The following FAM200B variants were observed in gnomAD, a reference collection of about 807,000 sequenced individuals.
The protein encoded by FAM200B is zinc finger BED-type containing 11, also known as protein FAM200B.
Under a neutral mutation model 33.1 loss-of-function variants are expected in FAM200B, and 32 were observed. The ratio of observed to expected loss-of-function variants is 0.97; its 90% CI spans 0.73 to 1.30. FAM200B has a LOEUF of 1.30. Ranked by LOEUF, FAM200B falls within the 50% of genes most tolerant of loss-of-function variation. The pLI is 0.00. For missense variants in FAM200B, 741 were observed against 754.0 expected (o/e 0.98, Z 0.20); for synonymous variants, 240 against 264.8 (o/e 0.91, Z 0.91).
the FAM200B span, among the ~76,000 whole-genome samples, chr4:15,655,670 C>CGTG: frequency 6.6e-6 from 1 of 152,242 alleles, no homozygotes; most frequent in Non-Finnish European, 1.5e-5. Flanking sequence ...CTGCCCTGCC[C>CGTG]ACCACGGCCT....
Position 15,686,428 on chromosome 4 carries a change from C to G in FAM200B, c.-550C>G, listed in dbSNP as rs904217909. 6.6e-6 allele frequency: 1 copy of G among 152,138 alleles called. No individual in the cohort carries two copies. Among genetic ancestry groups the G allele is most frequent in the African/African-American group, 2.4e-5 (1 of 41,416 alleles). The allele number at this position is 152,138 out of a possible 1,614,324, so 9.4% of individuals were successfully genotyped here. ...ACAAGTCAACAGTCTAGCAGATCAG[C>G]CAGTCTCTTTCATCATCAAGCAGAC... On this transcript the variant is annotated 5_prime_UTR_variant, in exon 2 of 2. Transcript: ENST00000422728.
the FAM200B span, among the ~76,000 whole-genome samples, chr4:15,642,707 T>C: frequency 6.6e-6 from 1 of 152,180 alleles, no homozygotes; most frequent in Non-Finnish European, 1.5e-5. Context: ...TTCCTACTTA[T>C]ATGCTAATAA....
upstream of FAM200B, among the ~76,000 whole-genome samples, chr4:15,678,452 T>C (rs1718072444): frequency 6.6e-6 from 1 of 152,176 alleles, no homozygotes; most frequent in Admixed American, 6.5e-5. Context: ...TTTCCCCAAG[T>C]GAAGGCTTTA....
the FAM200B span, among the ~76,000 whole-genome samples, chr4:15,657,286 T>C: frequency 6.6e-6 from 1 of 152,242 alleles, no homozygotes; most frequent in East Asian, 1.9e-4. Flanking sequence ...CACTTTGTTT[T>C]ATCCTCAGCA....
the FAM200B span, chr4:15,640,749 T>C: frequency 1.5e-5 from 17 of 1,098,432 alleles, no homozygotes; most frequent in Non-Finnish European, 2.1e-5. Context: ...ATTTTAAGAA[T>C]GTTATAAATC....
chr4:15,676,436 T>C, the FAM200B span, among the ~76,000 whole-genome samples: 1 of 151,666 alleles, frequency 6.6e-6, no homozygotes, highest in Non-Finnish European at 1.5e-5. Context: ...AACAAATAAA[T>C]GTCAACAACA....
At chr4:15,670,590 A>C in the FAM200B span, among the ~76,000 whole-genome samples, 1 of 152,168 alleles carries the variant, frequency 6.6e-6, no homozygotes, top group South Asian at 2.1e-4. Flanking sequence ...ATATATAGCC[A>C]GTGGTTCTCA....
the FAM200B span, among the ~76,000 whole-genome samples, chr4:15,647,171 C>T: frequency 2.3e-5 from 3 of 128,014 alleles, no homozygotes; most frequent in South Asian, 2.4e-4. Context: ...TGCAGTGAGC[C>T]GAGATCATGC....
At chr4:15,655,294 T>TGCCTCAGCCTCC in the FAM200B span, 1 of 1,406,364 alleles carries the variant, frequency 7.1e-7, no homozygotes, top group East Asian at 3.3e-5. Context: ...CCATCGCCAC[T>TGCCTCAGCCTCC]GCCTCAGCCT....
the FAM200B span, among the ~76,000 whole-genome samples, chr4:15,660,641 A>G: frequency 0.33 from 50,832 of 152,064 alleles, 8,867 homozygotes; most frequent in Non-Finnish European, 0.37. Flanking sequence ...CCTCGACTGT[A>G]AAGACTTGGT....
At chr4:15,641,758 G>A in the FAM200B span, 3 of 358,230 alleles carry the variant, frequency 8.4e-6, no homozygotes, top group South Asian at 6.4e-5. Context: ...CAGGCACGGT[G>A]GCTCATGCCT....
At chr4:15,645,834 AAAATT>A in the FAM200B span, among the ~76,000 whole-genome samples, 4 of 152,328 alleles carry the variant, frequency 2.6e-5, no homozygotes, top group Non-Finnish European at 5.9e-5. Flanking sequence ...TATCATTTTG[AAAATT>A]AAATATTCAT....
the FAM200B span, among the ~76,000 whole-genome samples, chr4:15,669,165 G>A: frequency 6.6e-6 from 1 of 152,114 alleles, no homozygotes; most frequent in East Asian, 1.9e-4. Flanking sequence ...CTAGGCCATT[G>A]TCACTGCCCA....
chr4:15,641,406 C>T, the FAM200B span: 1 of 351,668 alleles, frequency 2.8e-6, no homozygotes, highest in African/African-American at 2.1e-5. Flanking sequence ...TCAGCCTACT[C>T]AATGTGAAGA....
the FAM200B span, among the ~76,000 whole-genome samples, chr4:15,650,661 CTTTTTT>C: frequency 2.7e-4 from 21 of 77,914 alleles, no homozygotes; most frequent in Middle Eastern, 9.3e-3. Flanking sequence ...AACTGACTTT[CTTTTTT>C]TTTTTTTTTT....
the FAM200B span, among the ~76,000 whole-genome samples, chr4:15,668,251 G>T: frequency 6.7e-6 from 1 of 150,372 alleles, no homozygotes; most frequent in Non-Finnish European, 1.5e-5. Flanking sequence ...ATCTAGTATG[G>T]TATTTTCAAA....
At chr4:15,666,885 C>T in the FAM200B span, among the ~76,000 whole-genome samples, 53,297 of 151,254 alleles carry the variant, frequency 0.35, 9,760 homozygotes, top group African/African-American at 0.37. Context: ...AAAAAAAAGA[C>T]AGGCAAATGG....
At chr4:15,676,664 G>C (rs1438516752), upstream of FAM200B, among the ~76,000 whole-genome samples, 2 of 152,060 alleles carry the variant, frequency 1.3e-5, no homozygotes, top group Admixed American at 6.5e-5. Context: ...GAGAAGGGTA[G>C]AGTGTGTGTA....
At chr4:15,675,803 G>A in the FAM200B span, among the ~76,000 whole-genome samples, 1 of 151,788 alleles carries the variant, frequency 6.6e-6, no homozygotes, top group Admixed American at 6.6e-5. Context: ...AGCTGGTCTC[G>A]AACTCCTGAC....
Sources: allele counts gnomAD v4.1 joint callset (sites outside exome capture counted in the v4.1 genomes callset), GRCh38; gene constraint gnomAD v4.1.1; transcripts MANE v1.5; gene names NCBI Gene and HGNC (gene_info 2026-07-23, HGNC 2026-07-21).